Variants in SUCLA2 observed in about 807,000 individuals in gnomAD.
The protein encoded by SUCLA2 is succinate--CoA ligase [ADP-forming] subunit beta, mitochondrial.
In SUCLA2, 30 loss-of-function variants were observed where a neutral mutation model predicts 54.8. That is an observed-to-expected ratio of 0.55 (90% CI 0.41 to 0.74). The LOEUF is 0.74. Among genes scored for constraint, SUCLA2 ranks in the 30% least tolerant of loss-of-function variants. The pLI, the probability that SUCLA2 is intolerant of heterozygous loss-of-function variation, is 0.00. For synonymous variants in SUCLA2, 172 were observed against 188.9 expected (o/e 0.91, Z 0.74); for missense variants, 476 against 562.9 (o/e 0.85, Z 1.56).
At chr13:47,955,892 C>T (rs1298522611) in intron 6 of SUCLA2, among the ~76,000 whole-genome samples, 1 of 152,174 alleles carries the variant, frequency 6.6e-6, no homozygotes, top group Admixed American at 6.5e-5. Context: ...ATTTCAGCTG[C>T]TGCCCAACAC....
intron 4 of SUCLA2, among the ~76,000 whole-genome samples, chr13:47,975,170 T>C (rs4942726): frequency 0.62 from 93,959 of 150,508 alleles, 30,276 homozygotes; most frequent in East Asian, 0.77. Flanking sequence ...CTTTTCTTTT[T>C]TTTTTTTTTA....
At chr13:47,973,543 C>A in intron 4 of SUCLA2, 151 bp from the exon 5 acceptor site, 1 of 767,950 alleles carries the variant, frequency 1.3e-6, no homozygotes, top group Non-Finnish European at 2.1e-6. Flanking sequence ...CCTCACATCT[C>A]CAGCACAGTG....
intron 2 of SUCLA2, among the ~76,000 whole-genome samples, chr13:47,996,265 G>A (rs1215585762): frequency 6.7e-6 from 1 of 149,826 alleles, no homozygotes; most frequent in Non-Finnish European, 1.5e-5. Flanking sequence ...GGAGGTTGCA[G>A]TGAGCCAGGA....
intron 6 of SUCLA2, among the ~76,000 whole-genome samples, chr13:47,958,742 C>A (rs1422052125): frequency 6.6e-6 from 1 of 152,028 alleles, no homozygotes; most frequent in East Asian, 1.9e-4. Flanking sequence ...GGTGAAAATG[C>A]CTATGTAGTT....
At chr13:47,980,023 G>A (rs1378725075) in intron 4 of SUCLA2, among the ~76,000 whole-genome samples, 1 of 152,208 alleles carries the variant, frequency 6.6e-6, no homozygotes, top group African/African-American at 2.4e-5. Context: ...AATAATTCCA[G>A]TTAAAATCAA....
chr13:47,965,494 T>TAAAAAAAA (rs35331016), intron 6 of SUCLA2: 13 of 311,156 alleles, frequency 4.2e-5, no homozygotes, highest in African/African-American at 3.2e-4. Context: ...ACCCCTTCTT[T>TAAAAAAAA]AAAAAAAAAA....
intron 5 of SUCLA2, among the ~76,000 whole-genome samples, chr13:47,969,567 T>C (rs926726825): frequency 1.3e-5 from 2 of 152,240 alleles, no homozygotes; most frequent in African/African-American, 2.4e-5. Flanking sequence ...GCATCTATCA[T>C]GTTTCAAGTT....
chr13:47,982,376 A>C (rs1054503304), intron 4 of SUCLA2, among the ~76,000 whole-genome samples: 51 of 152,214 alleles, frequency 3.4e-4, no homozygotes, highest in African/African-American at 1.2e-3. Context: ...TAAAATACTC[A>C]AACTTTTAGA....
chr13:47,963,209 A>C (rs1949886450), intron 6 of SUCLA2, among the ~76,000 whole-genome samples: 1 of 152,250 alleles, frequency 6.6e-6, no homozygotes, highest in Admixed American at 6.5e-5. Context: ...GAAAGGAATA[A>C]CTATATTGAA....
intron 6 of SUCLA2, chr13:47,965,770 G>A (rs887610824): frequency 7.6e-6 from 3 of 392,512 alleles, no homozygotes; most frequent in African/African-American, 6.2e-5. Context: ...TTATATAAGA[G>A]AACGTTCTTG....
intron 6 of SUCLA2, among the ~76,000 whole-genome samples, chr13:47,955,412 G>C (rs910845235): frequency 1.3e-5 from 2 of 152,108 alleles, no homozygotes; most frequent in Admixed American, 1.3e-4. Flanking sequence ...ATGTTGGCCA[G>C]GCTGGTCTCG....
At chr13:47,953,049 A>G (rs1387422444) in intron 8 of SUCLA2, among the ~76,000 whole-genome samples, 1 of 152,150 alleles carries the variant, frequency 6.6e-6, no homozygotes. Context: ...CAGTAAAACT[A>G]TAAGTAACTT....
At chr13:47,963,419 G>A (rs751673374) in intron 6 of SUCLA2, among the ~76,000 whole-genome samples, 8 of 152,100 alleles carry the variant, frequency 5.3e-5, no homozygotes, top group South Asian at 2.1e-4. Context: ...TGAAGCAGGC[G>A]GATCACCTGA....
At chr13:47,969,871 G>A (rs1949948616) in intron 5 of SUCLA2, among the ~76,000 whole-genome samples, 1 of 152,180 alleles carries the variant, frequency 6.6e-6, no homozygotes, top group African/African-American at 2.4e-5. Flanking sequence ...GGAGGACAAA[G>A]AGGGCGGATC....
At chr13:47,992,862 G>C (rs1950160467) in intron 2 of SUCLA2, among the ~76,000 whole-genome samples, 1 of 152,190 alleles carries the variant, frequency 6.6e-6, no homozygotes. Flanking sequence ...TATTCAACCA[G>C]ATAGGGATTC....
intron 8 of SUCLA2, among the ~76,000 whole-genome samples, chr13:47,950,095 T>C (rs528476471): frequency 3.4e-4 from 52 of 152,352 alleles, no homozygotes; most frequent in Admixed American, 5.9e-4. Context: ...CAAGGCCTTC[T>C]GCAGCAAGGT....
Position 47,975,524 on chromosome 13 carries a change from G to T in SUCLA2, c.535-2132C>A, listed in dbSNP as rs80201783. Reference sequence around the variant, plus strand: ...TTTAAAGTATAAATTAAAGGAATAGGATTGCATTCATTACTGTTTAGAGAA... The same window carrying T: ...TTTAAAGTATAAATTAAAGGAATAGTATTGCATTCATTACTGTTTAGAGAA... On this transcript the variant is annotated intron_variant, in intron 4 of 10. Coordinates refer to ENST00000646932, the MANE Select transcript of SUCLA2 (RefSeq NM_003850.3). Among the ~76,000 whole-genome samples the T allele has an allele frequency of 8.0e-4, 121 of 152,098 alleles. 4 individuals are homozygous for T. The East Asian group carries it at 0.02, about 25-fold the overall frequency.
intron 6 of SUCLA2, among the ~76,000 whole-genome samples, chr13:47,955,734 T>C (rs1339021898): frequency 1.3e-5 from 2 of 152,116 alleles, no homozygotes; most frequent in Non-Finnish European, 2.9e-5. Context: ...AATCAGGCTT[T>C]TACTCCCAGC....
intron 5 of SUCLA2, among the ~76,000 whole-genome samples, chr13:47,970,470 C>A (rs1355890902): frequency 6.6e-6 from 1 of 152,142 alleles, no homozygotes; most frequent in Admixed American, 6.6e-5. Flanking sequence ...AAATCAAATC[C>A]ATGCCTTTTA....
Sources: allele counts gnomAD v4.1 joint callset (sites outside exome capture counted in the v4.1 genomes callset), GRCh38; gene constraint gnomAD v4.1.1; transcripts MANE v1.5; gene names NCBI Gene and HGNC (gene_info 2026-07-23, HGNC 2026-07-21).